Variants in CYP24A1 observed in about 807,000 individuals in gnomAD.
The protein encoded by CYP24A1 is 1,25-dihydroxyvitamin D(3) 24-hydroxylase, mitochondrial.
In CYP24A1, 68 loss-of-function variants were observed where a neutral mutation model predicts 62.4. The observed-to-expected ratio is 1.09, with a 90% confidence interval of 0.90 to 1.33. The LOEUF (loss-of-function observed/expected upper bound fraction) is 1.33, where lower values mean the gene tolerates loss of function less well. Ranked by LOEUF, CYP24A1 falls within the 40% of genes most tolerant of loss-of-function variation. The pLI is 0.00. For synonymous variants in CYP24A1, 267 were observed against 253.0 expected, an observed-to-expected ratio of 1.06 and a Z score of -0.52; for missense variants, 787 against 653.0, an observed-to-expected ratio of 1.21 and a Z score of -2.24.
intron 3 of CYP24A1, among the ~76,000 whole-genome samples, chr20:54,170,458 C>A (rs191490942): frequency 2.6e-5 from 4 of 152,236 alleles, no homozygotes; most frequent in Non-Finnish European, 4.4e-5. Flanking sequence ...CCATCCTGGA[C>A]CCTGCCGTGA....
intron 6 of CYP24A1, among the ~76,000 whole-genome samples, chr20:54,163,351 A>G (rs992029415): frequency 8.5e-5 from 13 of 152,262 alleles, no homozygotes; most frequent in Non-Finnish European, 1.8e-4. Flanking sequence ...GTGTCCATCC[A>G]TGTTGACAAT....
chr20:54,172,178 CT>C (rs1193882528), intron 2 of CYP24A1, among the ~76,000 whole-genome samples: 1 of 152,122 alleles, frequency 6.6e-6, no homozygotes, highest in Non-Finnish European at 1.5e-5. Flanking sequence ...AATAAAAAGC[CT>C]TTTGCGATCG....
At chr20:54,157,334 T>C (rs750987906) in intron 10 of CYP24A1, 45 bp from the exon 11 acceptor site, 22 of 1,488,394 alleles carry the variant, frequency 1.5e-5, no homozygotes, top group Non-Finnish European at 1.9e-5. Context: ...CCTCTCTTCT[T>C]CTGCCTTGTG....
intron 7 of CYP24A1, among the ~76,000 whole-genome samples, chr20:54,160,707 C>A (rs1180616038): frequency 6.6e-6 from 1 of 152,172 alleles, no homozygotes; most frequent in African/African-American, 2.4e-5. Context: ...TTCAGAATAG[C>A]CAGGACCAAA....
At chr20:54,161,132 G>A (rs897254648) in intron 7 of CYP24A1, among the ~76,000 whole-genome samples, 1 of 152,208 alleles carries the variant, frequency 6.6e-6, no homozygotes, top group African/African-American at 2.4e-5. Flanking sequence ...GGCTAACATG[G>A]CCCATCCAAT....
intron 7 of CYP24A1, chr20:54,162,452 A>G (rs2092654773): frequency 3.2e-6 from 1 of 316,412 alleles, no homozygotes; most frequent in East Asian, 8.9e-5. Flanking sequence ...GGGGCACATG[A>G]AGTCTCCTCC....
chr20:54,165,123 G>C (rs916803915), intron 5 of CYP24A1, among the ~76,000 whole-genome samples: 1 of 152,244 alleles, frequency 6.6e-6, no homozygotes, highest in Admixed American at 6.5e-5. Flanking sequence ...CCAACCCCCA[G>C]GCCGTGAACC....
At chr20:54,156,789 G>A (rs1265351171) in intron 11 of CYP24A1, among the ~76,000 whole-genome samples, 2 of 152,198 alleles carry the variant, frequency 1.3e-5, no homozygotes, top group Admixed American at 1.3e-4. Context: ...GTATTAAGAG[G>A]ATGTGACAAA....
intron 8 of CYP24A1, 91 bp downstream of exon 8, chr20:54,158,866 G>C: frequency 6.2e-7 from 1 of 1,602,768 alleles, no homozygotes; most frequent in Non-Finnish European, 8.5e-7. Flanking sequence ...ATTAGCTAGG[G>C]GAAGCCGCCC....
intron 5 of CYP24A1, 137 bp from the exon 6 acceptor site, chr20:54,164,700 C>G: frequency 2.6e-6 from 4 of 1,518,542 alleles, no homozygotes; most frequent in Non-Finnish European, 3.5e-6. Context: ...ACCCCCGGCT[C>G]TCTCTGCACC....
At chr20:54,169,766 C>T in intron 3 of CYP24A1, 78 bp from the exon 4 acceptor site, 1 of 1,598,740 alleles carries the variant, frequency 6.3e-7, no homozygotes, top group South Asian at 1.1e-5. Context: ...ACTGAGCTAA[C>T]TTCAGGTCTT....
At chr20:54,169,719 T>A in intron 3 of CYP24A1, 31 bp from the exon 4 acceptor site, 1 of 1,613,478 alleles carries the variant, frequency 6.2e-7, no homozygotes, top group Non-Finnish European at 8.5e-7. Flanking sequence ...AAAGACACAT[T>A]TTAAAGCCGT....
At chr20:54,148,548 C>T (rs2092608047), downstream of CYP24A1, among the ~76,000 whole-genome samples, 1 of 152,054 alleles carries the variant, frequency 6.6e-6, no homozygotes, top group Non-Finnish European at 1.5e-5. Flanking sequence ...ACAGATGATT[C>T]CACGGTGGGG....
rs2092704621 is a variant in CYP24A1 at position 54,173,955 on chromosome 20, C to T, written c.-376G>A. 6.9e-6 allele frequency: 2 copies of T among 291,542 alleles called. No individual in the cohort carries two copies. Among genetic ancestry groups the T allele is most frequent in the Non-Finnish European group, 1.3e-5 (2 of 153,364 alleles). The allele number at this position is 291,542 out of a possible 1,614,324, so 18.1% of individuals were successfully genotyped here. A position where few individuals can be genotyped will look rare whatever the true frequency, so the allele number is the denominator to read the frequency against. ...GTCAAGGAGGGTAGATGAGATGCTG[C>T]TGGCGCTGCGTTTCCTCCTGTCCCT... is the stretch of plus-strand genomic sequence containing the variant. On this transcript the variant is annotated 5_prime_UTR_variant, in exon 1 of 12. Coordinates refer to ENST00000216862, the MANE Select transcript of CYP24A1 (RefSeq NM_000782.5). The surrounding 1 kb of genome is among the most constrained non-coding windows in gnomAD (Gnocchi z 7.2).
chr20:54,161,117 G>A (rs531705071), intron 7 of CYP24A1, among the ~76,000 whole-genome samples: 1 of 152,362 alleles, frequency 6.6e-6, no homozygotes, highest in South Asian at 2.1e-4. Flanking sequence ...GGCTCACAAG[G>A]CTCTGGCTAA....
In CYP24A1 at chr20:54,173,456, G is replaced by A. The variant is rs1404238039; in HGVS notation, c.124C>T (p.Pro42Ser). The change falls in exon 1 of 12, where the codon CCA (proline) becomes TCA (serine). Residue 42 changes from proline (P) to serine (S), a missense_variant. Coordinates refer to ENST00000216862, the MANE Select transcript of CYP24A1 (RefSeq NM_000782.5). This position sits in a 1 kb window ranked among gnomAD's most constrained non-coding sequence, Gnocchi z 7.2. ...AYTSPQPREVPVCPLTAGGET... is the reference protein window; with the variant it reads ...AYTSPQPREVSVCPLTAGGET... ...CCACCAGCTGTCAGCGGGCAGACTG[G>A]CACCTCTCGCGGCTGAGGGGACGTG... is the stretch of plus-strand genomic sequence containing the variant. 6.4e-7 allele frequency: 1 copy of A among 1,567,020 alleles called. No homozygotes were observed. Among genetic ancestry groups the A allele is most frequent in the Non-Finnish European group, 8.7e-7 (1 of 1,155,832 alleles).
At chr20:54,167,604 T>A (rs1278711371) in intron 4 of CYP24A1, among the ~76,000 whole-genome samples, 3 of 152,082 alleles carry the variant, frequency 2.0e-5, no homozygotes, top group African/African-American at 7.2e-5. Flanking sequence ...AAACCCCATC[T>A]GTACTAAAAA....
chr20:54,172,020 C>T (rs2092695826), intron 2 of CYP24A1: 3 of 365,672 alleles, frequency 8.2e-6, no homozygotes, highest in Admixed American at 7.8e-5. Flanking sequence ...TGTGAACACC[C>T]CATCACCAGC....
chr20:54,149,778 C>A (rs1052416251), downstream of CYP24A1, among the ~76,000 whole-genome samples: 1 of 152,186 alleles, frequency 6.6e-6, no homozygotes, highest in Non-Finnish European at 1.5e-5. Context: ...GATTCCAACA[C>A]CCTCACTCAA....
Sources: gnomAD v4.1 joint callset for allele counts (sites outside exome capture counted in the v4.1 genomes callset) on GRCh38, gnomAD v4.1.1 for gene constraint, Gnocchi (gnomAD v3.1) non-coding constraint, MANE v1.5 for transcripts, NCBI Gene and HGNC (gene_info 2026-07-23, HGNC 2026-07-21) for gene names.